Variants in DLG2 observed in about 807,000 individuals in gnomAD.
The protein encoded by DLG2 is disks large homolog 2.
DLG2 carries 45 observed loss-of-function variants against 132.5 expected under a neutral mutation model. The observed-to-expected ratio is 0.34, with a 90% CI of 0.27 to 0.44. The LOEUF (loss-of-function observed/expected upper bound fraction) is 0.44. DLG2 is among the 20% of genes least tolerant of loss of function. DLG2 has a pLI of 1.00. For synonymous variants in DLG2, 424 were observed against 419.6 expected, an observed-to-expected ratio of 1.01 and a Z score of -0.13; for missense variants, 1,045 against 1,196.9, an observed-to-expected ratio of 0.87 and a Z score of 1.87.
chr11:84,588,195 C>G (rs1418328358), intron 6 of DLG2, among the ~76,000 whole-genome samples: 1 of 152,134 alleles, frequency 6.6e-6, no homozygotes, highest in Admixed American at 6.5e-5. Flanking sequence ...CTACTATGTG[C>G]CAAACACTGG....
At chr11:84,605,814 A>G (rs1270732588) in intron 6 of DLG2, among the ~76,000 whole-genome samples, 1 of 151,960 alleles carries the variant, frequency 6.6e-6, no homozygotes, top group Non-Finnish European at 1.5e-5. Context: ...TTCTCTTCAA[A>G]TAGGTTTGCT....
chr11:83,805,308 T>G (rs2045617041), intron 17 of DLG2, among the ~76,000 whole-genome samples: 1 of 152,004 alleles, frequency 6.6e-6, no homozygotes. Flanking sequence ...ATTCTTTATT[T>G]ATTCTAGAAT....
chr11:83,786,790 C>A lies in DLG2; in HGVS notation c.1725G>T (p.Val575=). ...ATGCACCACGGAGGTCAATGCCATTCACCTGAAAGAGAGGAAGCCAGAGAA... is the reference window on the plus strand; with the variant it reads ...ATGCACCACGGAGGTCAATGCCATTAACCTGAAAGAGAGGAAGCCAGAGAA... The part of the protein sequence containing the change: ...ELQRGDQILS[V]NGIDLRGASH... Residue 575 remains valine (V), a splice_region_variant and synonymous_variant, in exon 18 of 28, where the codon GTG becomes GTT. Transcript: ENST00000376104. 1 of 1,613,628 alleles carries A rather than the reference C, an allele frequency of 6.2e-7. No individual in the cohort carries two copies. Among genetic ancestry groups the A allele is most frequent in the Non-Finnish European group, 8.5e-7 (1 of 1,179,608 alleles).
chr11:85,563,200 T>A (rs904461904), intron 3 of DLG2, among the ~76,000 whole-genome samples: 1 of 151,772 alleles, frequency 6.6e-6, no homozygotes, highest in Non-Finnish European at 1.5e-5. Context: ...TGGGATTTTT[T>A]AAATCAAGTT....
chr11:84,549,267 T>C (rs2099396908), intron 6 of DLG2, among the ~76,000 whole-genome samples: 1 of 152,202 alleles, frequency 6.6e-6, no homozygotes, highest in South Asian at 2.1e-4. Flanking sequence ...CAGTAGTTCA[T>C]CCATTTGAAG....
chr11:83,939,137 G>A (rs1390998052), intron 14 of DLG2, among the ~76,000 whole-genome samples: 1 of 152,126 alleles, frequency 6.6e-6, no homozygotes, highest in African/African-American at 2.4e-5. Context: ...ATTCCTAACT[G>A]AGTATTTGTT....
intron 6 of DLG2, among the ~76,000 whole-genome samples, chr11:84,573,890 T>C (rs2099492004): frequency 6.6e-6 from 1 of 152,194 alleles, no homozygotes; most frequent in Non-Finnish European, 1.5e-5. Flanking sequence ...AACTTATGAA[T>C]AACTGAGAAG....
At chr11:85,227,213 T>C (rs2075030185) in intron 4 of DLG2, among the ~76,000 whole-genome samples, 6 of 152,010 alleles carry the variant, frequency 3.9e-5, no homozygotes, top group Non-Finnish European at 8.8e-5. Context: ...CTCCTGAAGG[T>C]AGAAAAATAA....
At chr11:83,827,573 G>C (rs2053243251) in intron 17 of DLG2, among the ~76,000 whole-genome samples, 1 of 152,136 alleles carries the variant, frequency 6.6e-6, no homozygotes, top group Admixed American at 6.5e-5. Flanking sequence ...AACACACTTT[G>C]TTAAATACTT....
At chr11:85,110,256 C>T (rs534569443) in intron 6 of DLG2, among the ~76,000 whole-genome samples, 4 of 150,832 alleles carry the variant, frequency 2.7e-5, no homozygotes, top group Admixed American at 6.6e-5. Context: ...ACCAAAAATA[C>T]GAAAAAAAAA....
intron 12 of DLG2, among the ~76,000 whole-genome samples, chr11:83,976,593 A>G (rs976843541): frequency 6.6e-6 from 1 of 152,084 alleles, no homozygotes; most frequent in East Asian, 1.9e-4. Flanking sequence ...GGGTGGCTTC[A>G]GTGATTTTGT....
intron 10 of DLG2, among the ~76,000 whole-genome samples, chr11:84,061,740 C>G (rs1302947793): frequency 1.3e-5 from 2 of 151,712 alleles, no homozygotes; most frequent in African/African-American, 4.8e-5. Flanking sequence ...ACAGAGCAGT[C>G]TCAAAATCTT....
chr11:84,641,498 C>A (rs760315537), intron 6 of DLG2, among the ~76,000 whole-genome samples: 4 of 152,140 alleles, frequency 2.6e-5, no homozygotes, highest in Non-Finnish European at 4.4e-5. Flanking sequence ...AGCTCAAAGC[C>A]TAATGATGAG....
chr11:83,587,110 G>A (rs1054733668), intron 19 of DLG2, among the ~76,000 whole-genome samples: 1 of 152,162 alleles, frequency 6.6e-6, no homozygotes, highest in African/African-American at 2.4e-5. Flanking sequence ...CTAACACAGA[G>A]CAGCCATTCC....
At chr11:84,543,081 G>A (rs1245313600) in intron 6 of DLG2, among the ~76,000 whole-genome samples, 4 of 152,038 alleles carry the variant, frequency 2.6e-5, no homozygotes, top group African/African-American at 9.7e-5. Context: ...GGGTAAAAAA[G>A]AAAACAAGAG....
At chr11:83,940,202 C>G (rs891298564) in intron 14 of DLG2, among the ~76,000 whole-genome samples, 3 of 152,130 alleles carry the variant, frequency 2.0e-5, no homozygotes, top group Admixed American at 6.5e-5. Flanking sequence ...TCCTTCCACC[C>G]CTAAACATTA....
intron 9 of DLG2, among the ~76,000 whole-genome samples, chr11:84,151,686 T>C (rs919833361): frequency 6.6e-6 from 1 of 152,236 alleles, no homozygotes; most frequent in African/African-American, 2.4e-5. Context: ...CATTTAATGC[T>C]ATAAACTTTT....
intron 6 of DLG2, among the ~76,000 whole-genome samples, chr11:84,744,474 C>T (rs1309731815): frequency 6.6e-6 from 1 of 152,136 alleles, no homozygotes; most frequent in Non-Finnish European, 1.5e-5. Flanking sequence ...TGTGTGAATA[C>T]AGCTTTTCAG....
chr11:83,920,661 T>C (rs114966251), intron 15 of DLG2, among the ~76,000 whole-genome samples: 4,032 of 152,280 alleles, frequency 0.026, 182 homozygotes, highest in African/African-American at 0.089. Flanking sequence ...TTCATATTTA[T>C]CAGGTATTGC....
Sources: gnomAD v4.1 joint callset for allele counts (sites outside exome capture counted in the v4.1 genomes callset) on GRCh38, gnomAD v4.1.1 for gene constraint, MANE v1.5 for transcripts, NCBI Gene and HGNC (gene_info 2026-07-23, HGNC 2026-07-21) for gene names.